The following KAZN variants were observed in gnomAD, a reference collection of about 807,000 sequenced individuals.
The protein encoded by KAZN is kazrin, periplakin interacting protein, also known as kazrin.
KAZN carries 40 observed loss-of-function variants against 87.4 expected under a neutral mutation model. The observed-to-expected ratio is 0.46, with a 90% CI of 0.36 to 0.60. The LOEUF (loss-of-function observed/expected upper bound fraction) is 0.60. Among genes scored for constraint, KAZN ranks in the 20% least tolerant of loss-of-function variants. The probability of loss-of-function intolerance (pLI) is 0.00; values close to 1 mark genes in which losing one functional copy is unlikely to be tolerated. For synonymous variants in KAZN, 466 were observed against 458.3 expected (o/e 1.02, Z -0.22); for missense variants, 898 against 1,073.9 (o/e 0.84, Z 2.29).
chr1:14,080,096 C>T (rs1643613829), intron 1 of KAZN, among the ~76,000 whole-genome samples: 1 of 86,948 alleles, frequency 1.2e-5, no homozygotes, highest in African/African-American at 4.4e-5. Flanking sequence ...CAGACCATAA[C>T]AAAATCCTTT....
intron 2 of KAZN, among the ~76,000 whole-genome samples, chr1:14,252,748 T>C (rs1650160884): frequency 6.6e-6 from 1 of 152,196 alleles, no homozygotes; most frequent in African/African-American, 2.4e-5. Flanking sequence ...TAAGTGATGT[T>C]AGTTTCATCA....
At chr1:14,190,451 T>C (rs1242089900) in intron 2 of KAZN, among the ~76,000 whole-genome samples, 3 of 152,190 alleles carry the variant, frequency 2.0e-5, no homozygotes, top group African/African-American at 7.2e-5. Context: ...AGTGAATACC[T>C]GTGCTAGTTT....
rs1487263979 is a variant in KAZN, at chr1:14,805,770, A to ATAATAC, written c.227-154909_227-154908insCTAATA. On this transcript the variant is annotated intron_variant, in intron 1 of 14. Coordinates refer to ENST00000376030, the MANE Select transcript of KAZN (RefSeq NM_201628.3). ...AGCAACACCCCATCTCAAAATAATA[A>ATAATAC]TAATAATAATAATAATAATAATAAT... 6.6e-5 allele frequency among the ~76,000 whole-genome samples: 5 copies of ATAATAC among 76,154 alleles called. No homozygotes were observed. In the South Asian group the frequency reaches 1.4e-3, roughly 21 times the overall value. The allele number at this position is 76,154 out of a possible 152,430, so 50.0% of individuals were successfully genotyped here. A position where few individuals can be genotyped will look rare whatever the true frequency, so the allele number is the denominator to read the frequency against.
intron 1 of KAZN, among the ~76,000 whole-genome samples, chr1:14,062,947 T>C (rs1042589608): frequency 1.3e-5 from 2 of 152,202 alleles, no homozygotes; most frequent in African/African-American, 4.8e-5. Context: ...CATGAATAGA[T>C]GAGACGTGGC....
chr1:14,767,548 T>C (rs1422538522), intron 1 of KAZN, among the ~76,000 whole-genome samples: 1 of 152,226 alleles, frequency 6.6e-6, no homozygotes, highest in African/African-American at 2.4e-5. Context: ...ATAAAGTATT[T>C]TGACTCAGTG....
At chr1:14,366,653 C>T (rs762349113) in intron 2 of KAZN, among the ~76,000 whole-genome samples, 9 of 152,284 alleles carry the variant, frequency 5.9e-5, no homozygotes, top group South Asian at 2.1e-4. Flanking sequence ...GAAGAAACGC[C>T]GCACCAGCAT....
chr1:14,098,214 C>T (rs1339414628), intron 1 of KAZN, among the ~76,000 whole-genome samples: 1 of 152,104 alleles, frequency 6.6e-6, no homozygotes, highest in African/African-American at 2.4e-5. Flanking sequence ...GTCTTCTATA[C>T]TTTAGCATCT....
chr1:14,605,030 G>C (rs991192236), intron 1 of KAZN, among the ~76,000 whole-genome samples: 7 of 152,218 alleles, frequency 4.6e-5, no homozygotes, highest in African/African-American at 1.7e-4. Context: ...ATTGTGTGAA[G>C]TAATGAGTCA....
chr1:14,701,029 C>A (rs1572258957), intron 1 of KAZN, among the ~76,000 whole-genome samples: 1 of 152,198 alleles, frequency 6.6e-6, no homozygotes, highest in South Asian at 2.1e-4. Context: ...TTCAATTAAG[C>A]CTGCTTAGTT....
At chr1:14,363,804 C>G (rs959873387) in intron 2 of KAZN, among the ~76,000 whole-genome samples, 1 of 152,068 alleles carries the variant, frequency 6.6e-6, no homozygotes, top group African/African-American at 2.4e-5. Context: ...AGTTTGTTAC[C>G]CCCTGCTCTA....
chr1:14,312,587 T>C (rs1655378628), intron 2 of KAZN, among the ~76,000 whole-genome samples: 2 of 152,322 alleles, frequency 1.3e-5, no homozygotes, highest in South Asian at 4.1e-4. Context: ...TAAACGTTTT[T>C]ATTGAAGTAT....
chr1:14,628,544 G>T (rs972121353), intron 1 of KAZN, among the ~76,000 whole-genome samples: 2 of 152,176 alleles, frequency 1.3e-5, no homozygotes, highest in Admixed American at 1.3e-4. Flanking sequence ...TTCATTTATT[G>T]TCCCAAGTAA....
At chr1:15,008,024 C>T (rs1669209351) in intron 2 of KAZN, among the ~76,000 whole-genome samples, 1 of 152,170 alleles carries the variant, frequency 6.6e-6, no homozygotes, top group Non-Finnish European at 1.5e-5. Context: ...AAATCACCTC[C>T]TTCTTCCTTC....
chr1:14,674,513 T>A (rs1640100271), intron 1 of KAZN, among the ~76,000 whole-genome samples: 1 of 152,212 alleles, frequency 6.6e-6, no homozygotes, highest in Admixed American at 6.5e-5. Flanking sequence ...CAGGGATACA[T>A]GCTACCTTCC....
intron 2 of KAZN, among the ~76,000 whole-genome samples, chr1:14,557,602 A>G (rs937948005): frequency 4.6e-5 from 7 of 151,574 alleles, no homozygotes; most frequent in Admixed American, 6.6e-5. Context: ...GGTTCTCCAG[A>G]GAAACAAAAC....
chr1:15,105,577 A>T (rs552755092), intron 13 of KAZN, among the ~76,000 whole-genome samples: 4 of 151,354 alleles, frequency 2.6e-5, no homozygotes, highest in African/African-American at 9.7e-5. Context: ...TTTTTTAATC[A>T]GCCTATCTAA....
intron 2 of KAZN, among the ~76,000 whole-genome samples, chr1:14,331,659 C>A (rs1467520947): frequency 6.6e-6 from 1 of 151,930 alleles, no homozygotes; most frequent in Non-Finnish European, 1.5e-5. Context: ...CATTTTTGTT[C>A]TCTTCTTAAA....
intron 2 of KAZN, among the ~76,000 whole-genome samples, chr1:15,028,973 C>A (rs1471933857): frequency 6.6e-6 from 1 of 152,192 alleles, no homozygotes; most frequent in Admixed American, 6.5e-5. Context: ...ATCGGGGACC[C>A]TGGCCTCTTC....
intron 2 of KAZN, among the ~76,000 whole-genome samples, chr1:15,030,531 G>T (rs1209842120): frequency 6.6e-6 from 1 of 152,184 alleles, no homozygotes; most frequent in African/African-American, 2.4e-5. Flanking sequence ...AAAGTGCTGG[G>T]ATTACAGGCC....
Sources: allele counts gnomAD v4.1 joint callset (sites outside exome capture counted in the v4.1 genomes callset), GRCh38; gene constraint gnomAD v4.1.1; transcripts MANE v1.5; gene names NCBI Gene and HGNC (gene_info 2026-07-23, HGNC 2026-07-21).